The following PTPRN2 variants were observed in gnomAD, a reference collection of about 807,000 sequenced individuals.
The protein encoded by PTPRN2 is protein tyrosine phosphatase receptor type N2, also known as receptor-type tyrosine-protein phosphatase N2.
Under a neutral mutation model 118.8 loss-of-function variants are expected in PTPRN2, and 74 were observed. The observed-to-expected ratio is 0.62, with a 90% CI of 0.52 to 0.76. The LOEUF is 0.76. PTPRN2 is among the 30% of genes least tolerant of loss of function. The pLI is 0.00. For synonymous variants in PTPRN2, 641 were observed against 608.0 expected, an observed-to-expected ratio of 1.05 and a Z score of -0.80; for missense variants, 1,481 against 1,394.4, an observed-to-expected ratio of 1.06 and a Z score of -0.99.
chr7:157,936,905 G>C (rs930286), intron 11 of PTPRN2, among the ~76,000 whole-genome samples: 85,388 of 152,172 alleles, frequency 0.56, 24,897 homozygotes, highest in African/African-American at 0.72. Flanking sequence ...TTCCGCCATG[G>C]CCAGTCATGG....
intron 3 of PTPRN2, among the ~76,000 whole-genome samples, chr7:158,233,155 T>A (rs947597563): frequency 5.3e-5 from 8 of 152,200 alleles, no homozygotes; most frequent in African/African-American, 1.9e-4. Flanking sequence ...GCAGACATCA[T>A]GATCTTATCA....
At chr7:158,031,007 G>A (rs1807648092) in intron 11 of PTPRN2, 2 of 152,200 alleles carry the variant, frequency 1.3e-5, no homozygotes, top group Non-Finnish European at 2.9e-5. Flanking sequence ...GAGAAGAGAA[G>A]GCATCACGTT....
At chr7:158,088,319 A>G (rs371728793) in intron 10 of PTPRN2, among the ~76,000 whole-genome samples, 117 of 25,064 alleles carry the variant, frequency 4.7e-3, no homozygotes, top group African/African-American at 8.6e-3. Flanking sequence ...CTGATGAAAG[A>G]GGGAGTCTTC....
chr7:157,600,110 C>T (rs1484773769), intron 16 of PTPRN2, among the ~76,000 whole-genome samples: 1 of 78,506 alleles, frequency 1.3e-5, no homozygotes. Context: ...TCCACCTGCC[C>T]ACCTCTCCAC....
At chr7:158,146,530 A>G (rs111357961) in intron 6 of PTPRN2, among the ~76,000 whole-genome samples, 16,922 of 151,634 alleles carry the variant, frequency 0.11, 1,120 homozygotes, top group African/African-American at 0.18. Context: ...GACCATCCTG[A>G]CTAACATGGT....
chr7:158,337,543 TC>T (rs1805900907), intron 2 of PTPRN2, among the ~76,000 whole-genome samples: 1 of 140,390 alleles, frequency 7.1e-6, no homozygotes, highest in African/African-American at 2.7e-5. Flanking sequence ...CCTGCAGACG[TC>T]ATTCACACCC....
chr7:157,759,013 A>G (rs1452747032), intron 12 of PTPRN2, among the ~76,000 whole-genome samples: 1 of 152,242 alleles, frequency 6.6e-6, no homozygotes, highest in Non-Finnish European at 1.5e-5. Context: ...TCCAAGTTAC[A>G]CAAGTCACAT....
chr7:157,942,486 T>C lies in PTPRN2; in HGVS notation c.1724-43749A>G, dbSNP rs140125113. ...TGTTTATATCTTTACAGACACAAAA[T>C]GCTGCTGGGGTAATACTCTTGGGAA... On this transcript the variant is annotated intron_variant, in intron 11 of 22. Transcript: ENST00000389418. Among the ~76,000 whole-genome samples the C allele has an allele frequency of 4.7e-4, 72 of 152,184 alleles. No individual in the cohort carries two copies. The East Asian group carries it at 0.012, about 26-fold the overall frequency.
Position 157,724,235 on chromosome 7 carries a change from C to T in PTPRN2, c.1789-41298G>A, listed in dbSNP as rs184347546. Among the ~76,000 whole-genome samples the T allele has an allele frequency of 3.2e-3, 486 of 152,298 alleles. 3 individuals carry two copies. Among genetic ancestry groups the T allele is most frequent in the African/African-American group, 0.011 (476 of 41,566 alleles). ...GCTGGTTTACGTGACATTTAGGCTA[C>T]CCCCACCTGAAACACATTTATTTGC... On this transcript the variant is annotated intron_variant, in intron 12 of 22. Coordinates refer to ENST00000389418, the MANE Select transcript of PTPRN2 (RefSeq NM_002847.5).
chr7:158,387,053 G>A (rs547962884), intron 2 of PTPRN2, among the ~76,000 whole-genome samples: 18 of 152,062 alleles, frequency 1.2e-4, no homozygotes, highest in African/African-American at 2.2e-4. Context: ...TTGATGACGC[G>A]TCTCTGTGGC....
chr7:157,908,805 T>C (rs1425852197), intron 11 of PTPRN2, among the ~76,000 whole-genome samples: 1 of 152,270 alleles, frequency 6.6e-6, no homozygotes, highest in African/African-American at 2.4e-5. Flanking sequence ...GTGAATTATA[T>C]TTGGCTTTAG....
rs57311924 is a variant in PTPRN2 at position 158,225,776 on chromosome 7, CAG to C, written c.278-20505_278-20504del. On this transcript the variant is annotated intron_variant, in intron 3 of 22. Transcript: ENST00000389418. ...ACTGGAAAGATAAATAGAATTCTAA[CAG>C]GTGGGGATGGATTAGGGGAGGAACT... Among the ~76,000 whole-genome samples the C allele has an allele frequency of 6.9e-3, 1,047 of 152,088 alleles. 14 individuals carry two copies. The highest frequency in any genetic ancestry group is 0.024 in the African/African-American group (1,000 of 41,478).
chr7:158,556,019 T>A (rs905286630), intron 1 of PTPRN2, among the ~76,000 whole-genome samples: 10 of 152,082 alleles, frequency 6.6e-5, no homozygotes, highest in Non-Finnish European at 1.5e-4. Flanking sequence ...CAGATGGTTG[T>A]CATAGATAGA....
At chr7:158,465,822 T>C (rs957419201) in intron 2 of PTPRN2, among the ~76,000 whole-genome samples, 1 of 152,186 alleles carries the variant, frequency 6.6e-6, no homozygotes, top group Non-Finnish European at 1.5e-5. Flanking sequence ...ACCTGGTCTC[T>C]GATCACGTAA....
intron 2 of PTPRN2, among the ~76,000 whole-genome samples, chr7:158,396,482 C>T (rs960481330): frequency 2.0e-5 from 3 of 150,178 alleles, no homozygotes; most frequent in Non-Finnish European, 3.0e-5. Context: ...TGATTTTGTT[C>T]ACATGCATGC....
intron 6 of PTPRN2, among the ~76,000 whole-genome samples, chr7:158,163,399 T>C (rs980986394): frequency 1.3e-5 from 2 of 151,572 alleles, no homozygotes; most frequent in South Asian, 2.1e-4. Context: ...AGGTGATGCC[T>C]GCACGGGGTT....
intron 1 of PTPRN2, among the ~76,000 whole-genome samples, chr7:158,510,961 T>C (rs1049676843): frequency 6.6e-6 from 1 of 152,242 alleles, no homozygotes; most frequent in Non-Finnish European, 1.5e-5. Flanking sequence ...AGGGGATTCC[T>C]GCCACCCATG....
Position 158,404,278 on chromosome 7 carries a change from T to A in PTPRN2, c.163+85457A>T, listed in dbSNP as rs1813180541. On this transcript the variant is annotated intron_variant, in intron 2 of 22. Coordinates refer to ENST00000389418, the MANE Select transcript of PTPRN2 (RefSeq NM_002847.5). ...CTGCTGTGTCACACGTGGGAAGACG[T>A]CAGACCTTTCCTGAGCCACTAGCCA... 2.0e-5 allele frequency among the ~76,000 whole-genome samples: 3 copies of A among 152,156 alleles called. No individual in the cohort carries two copies. In the South Asian group the frequency reaches 6.2e-4, roughly 31 times the overall value.
intron 2 of PTPRN2, among the ~76,000 whole-genome samples, chr7:158,319,551 ACACACG>A (rs1802699407): frequency 7.2e-6 from 1 of 138,366 alleles, no homozygotes; most frequent in Admixed American, 7.3e-5. Context: ...TCCCTCACAC[ACACACG>A]GTCTCCCTCA....
Sources: gnomAD v4.1 joint callset for allele counts (sites outside exome capture counted in the v4.1 genomes callset) on GRCh38, gnomAD v4.1.1 for gene constraint, MANE v1.5 for transcripts, NCBI Gene and HGNC (gene_info 2026-07-23, HGNC 2026-07-21) for gene names.